The following BAZ1B variants were observed in gnomAD, a reference collection of about 807,000 sequenced individuals.
The protein encoded by BAZ1B is tyrosine-protein kinase BAZ1B.
A neutral mutation model predicts 153.8 loss-of-function variants in BAZ1B; 22 were observed. That is an observed-to-expected ratio of 0.14 (90% confidence interval 0.10 to 0.20). BAZ1B has a LOEUF of 0.20. Among genes scored for constraint, BAZ1B ranks in the 10% least tolerant of loss-of-function variants. The pLI, the probability that BAZ1B is intolerant of heterozygous loss-of-function variation, is 1.00. For missense variants in BAZ1B, 1,325 were observed against 1,799.3 expected (o/e 0.74, Z 4.77); for synonymous variants, 676 against 633.4 (o/e 1.07, Z -1.01).
At chr7:73,454,491 C>T (rs1438817045) in intron 13 of BAZ1B, among the ~76,000 whole-genome samples, 2 of 152,272 alleles carry the variant, frequency 1.3e-5, no homozygotes, top group African/African-American at 2.4e-5. Context: ...ATATCATCCT[C>T]GGCCTCAGGA....
intron 3 of BAZ1B, among the ~76,000 whole-genome samples, chr7:73,501,740 C>A (rs1554577176): frequency 6.6e-6 from 1 of 152,150 alleles, no homozygotes; most frequent in Non-Finnish European, 1.5e-5. Context: ...ATGGATATAT[C>A]CTACTCAACC....
intron 5 of BAZ1B, among the ~76,000 whole-genome samples, chr7:73,491,811 C>T (rs1789656432): frequency 6.6e-6 from 1 of 152,120 alleles, no homozygotes; most frequent in South Asian, 2.1e-4. Context: ...TTAAACTTCT[C>T]AGGTCTTAGC....
intron 13 of BAZ1B, among the ~76,000 whole-genome samples, chr7:73,452,780 G>T (rs906740377): frequency 1.3e-5 from 2 of 151,076 alleles, no homozygotes; most frequent in Non-Finnish European, 2.9e-5. Context: ...CTTATGATAG[G>T]GTTAAACCCA....
At chr7:73,441,933 A>G (rs1175489606) in intron 19 of BAZ1B, 5 of 486,940 alleles carry the variant, frequency 1.0e-5, no homozygotes, top group African/African-American at 2.0e-5. Context: ...TTCACCAGAA[A>G]AGCTAGACCC....
intron 7 of BAZ1B, among the ~76,000 whole-genome samples, chr7:73,471,757 T>C (rs975434980): frequency 6.6e-6 from 1 of 152,116 alleles, no homozygotes; most frequent in Admixed American, 6.6e-5. Context: ...TTAAGATAAA[T>C]TCCATTTATT....
Position 73,470,374 on chromosome 7 carries a change from A to T in BAZ1B, c.2703T>A (p.Thr901=). Residue 901 remains threonine, a synonymous_variant, in exon 8 of 20, where the codon ACT becomes ACA. Transcript: ENST00000339594. ...IAKAKLVMRR[T]PIGTDRNHNR... ...TATGGTTTCGATCTGTGCCAATAGG[A>T]GTCCTGCGCATGACTAGTTTGGCCT... 1 of 1,614,060 alleles carries T rather than the reference A, an allele frequency of 6.2e-7. No homozygotes were observed. The highest frequency in any genetic ancestry group is 2.2e-5 in the East Asian group (1 of 44,866).
In BAZ1B at chr7:73,489,212, A is replaced by G; in HGVS notation, c.873T>C (p.Phe291=). 6.2e-7 allele frequency: 1 copy of G among 1,614,166 alleles called. No homozygotes were observed. The change falls in exon 6 of 20, where the codon TTT becomes TTC. Residue 291 remains phenylalanine, a synonymous_variant. Transcript: ENST00000339594. ...ACCTTACCTTGTATGGATCAAGTAA[A>G]AAGTCACTGAACTTGCTGGGCAGAG... ...KYSLPSKFSD[F]LLDPYKYMTL... is the part of the protein sequence containing the mutation.
chr7:73,490,411 A>T (rs550015726), intron 5 of BAZ1B, among the ~76,000 whole-genome samples: 2 of 152,272 alleles, frequency 1.3e-5, no homozygotes, highest in South Asian at 2.1e-4. Flanking sequence ...AATTTTTTTT[A>T]AAAAGTCACT....
Position 73,476,987 on chromosome 7 carries a change from A to G in BAZ1B, c.2474T>C (p.Val825Ala), listed in dbSNP as rs782775538. ...TGTATCTACTTGGGGCTCAAACTTC[A>G]CAATTTCTTTTTTCCTATCAGTTTT... is the stretch of plus-strand genomic sequence containing the variant. ...LGKTDRKKEI[V>A]KFEPQVDTEA... is the part of the protein sequence containing the mutation. Residue 825 changes from valine to alanine, a missense_variant, in exon 7 of 20, where the codon GTG becomes GCG. Physicochemically the swap from Val to Ala is moderately conservative, Grantham distance 64 (BLOSUM62 0). Transcript: ENST00000339594. The G allele has an allele frequency of 8.7e-6, 14 of 1,613,974 alleles. No homozygotes were observed. The East Asian group carries it at 3.1e-4, about 36-fold the overall frequency.
intron 3 of BAZ1B, among the ~76,000 whole-genome samples, chr7:73,501,913 C>G (rs917224695): frequency 7.7e-6 from 1 of 130,386 alleles, no homozygotes; most frequent in East Asian, 2.2e-4. Flanking sequence ...TTTTTTGAGA[C>G]GGAATCTCAC....
intron 6 of BAZ1B, among the ~76,000 whole-genome samples, chr7:73,484,982 T>C (rs909929965): frequency 6.6e-6 from 1 of 152,202 alleles, no homozygotes; most frequent in African/African-American, 2.4e-5. Context: ...GTTAAAAGAT[T>C]ACTGAAGAAC....
At chr7:73,493,454 C>T (rs1273732790) in intron 4 of BAZ1B, among the ~76,000 whole-genome samples, 2 of 151,188 alleles carry the variant, frequency 1.3e-5, no homozygotes, top group African/African-American at 2.4e-5. Context: ...AGCAAGACTC[C>T]GTCTCAAAAA....
At chr7:73,506,014 T>C (rs1487358432) in intron 3 of BAZ1B, among the ~76,000 whole-genome samples, 1 of 152,232 alleles carries the variant, frequency 6.6e-6, no homozygotes, top group African/African-American at 2.4e-5. Context: ...AAGATTTCCG[T>C]GCAAATTCTG....
chr7:73,479,614 C>G (rs1789124947), intron 6 of BAZ1B, among the ~76,000 whole-genome samples: 3 of 151,918 alleles, frequency 2.0e-5, no homozygotes, highest in Non-Finnish European at 4.4e-5. Flanking sequence ...AGTCCCACAA[C>G]TCTACAATCC....
intron 4 of BAZ1B, among the ~76,000 whole-genome samples, chr7:73,497,271 A>G (rs2116406712): frequency 6.6e-6 from 1 of 152,194 alleles, no homozygotes; most frequent in Non-Finnish European, 1.5e-5. Context: ...CACTAGGACA[A>G]TTAGCACTTT....
intron 7 of BAZ1B, among the ~76,000 whole-genome samples, chr7:73,472,997 C>T (rs562646186): frequency 5.3e-5 from 8 of 150,622 alleles, no homozygotes; most frequent in East Asian, 4.0e-4. Context: ...GGCTGGAGTA[C>T]GGTGGCCGAT....
At chr7:73,505,254 T>G (rs968569342) in intron 3 of BAZ1B, among the ~76,000 whole-genome samples, 7 of 152,310 alleles carry the variant, frequency 4.6e-5, no homozygotes, top group African/African-American at 1.7e-4. Context: ...TAGCCTGCTT[T>G]GATAAGTATT....
At chr7:73,515,776 A>C (rs1790774277) in intron 1 of BAZ1B, among the ~76,000 whole-genome samples, 7 of 152,192 alleles carry the variant, frequency 4.6e-5, no homozygotes, top group Admixed American at 4.6e-4. Flanking sequence ...TCCTGGGCTC[A>C]AGCAATTCAC....
intron 1 of BAZ1B, among the ~76,000 whole-genome samples, chr7:73,518,173 G>A (rs899209439): frequency 6.6e-6 from 1 of 151,790 alleles, no homozygotes; most frequent in Non-Finnish European, 1.5e-5. Flanking sequence ...AGGCCGAGGC[G>A]GGCGGATCAT....
Sources: allele counts gnomAD v4.1 joint callset (sites outside exome capture counted in the v4.1 genomes callset), GRCh38; gene constraint gnomAD v4.1.1; transcripts MANE v1.5; gene names NCBI Gene and HGNC (gene_info 2026-07-23, HGNC 2026-07-21).